The following DGKB variants were observed in gnomAD, a reference collection of about 807,000 sequenced individuals.
DGKB encodes the protein diacylglycerol kinase beta.
DGKB carries 67 observed loss-of-function variants against 114.3 expected under a neutral mutation model. The ratio of observed to expected loss-of-function variants is 0.59; its 90% CI spans 0.48 to 0.72. The LOEUF is 0.72. Ranked by LOEUF, DGKB falls within the 30% of genes least tolerant of loss-of-function variation. The pLI is 0.00. For missense variants in DGKB, 907 were observed against 975.2 expected (o/e 0.93, Z 0.93); for synonymous variants, 398 against 323.1 (o/e 1.23, Z -2.49).
Position 14,577,414 on chromosome 7 carries a change from A to G in DGKB, c.1610-3042T>C, listed in dbSNP as rs79817792. ...GGGTGGATCACGAGGTCAGGAGATC[A>G]AGACCATTCTGGCTAACACGGTGAA... On this transcript the variant is annotated intron_variant, in intron 19 of 25. Transcript: ENST00000402815. Among the ~76,000 whole-genome samples the G allele has an allele frequency of 4.6e-3, 695 of 152,250 alleles. 17 individuals are homozygous for G. The highest frequency in any genetic ancestry group is 0.03 in the Admixed American group (452 of 15,278).
At chr7:14,697,740 G>A (rs1474623877) in intron 8 of DGKB, among the ~76,000 whole-genome samples, 106 of 109,350 alleles carry the variant, frequency 9.7e-4, no homozygotes, top group African/African-American at 3.9e-3. Flanking sequence ...AAAGAAAGAA[G>A]GAGGAAAGAA....
chr7:14,964,514 A>G (rs770673842), intron 1 of DGKB, among the ~76,000 whole-genome samples: 13 of 152,170 alleles, frequency 8.5e-5, no homozygotes, highest in Admixed American at 7.2e-4. Flanking sequence ...ATAAATAAAT[A>G]AGATAAATGG....
chr7:14,931,399 C>T (rs570558917), intron 1 of DGKB, among the ~76,000 whole-genome samples: 2 of 152,142 alleles, frequency 1.3e-5, no homozygotes, highest in Admixed American at 6.5e-5. Flanking sequence ...CGTGAGCCAC[C>T]GTGCCCAGCA....
At chr7:14,160,564 T>C (rs1783730365) in intron 25 of DGKB, among the ~76,000 whole-genome samples, 1 of 152,136 alleles carries the variant, frequency 6.6e-6, no homozygotes, top group Non-Finnish European at 1.5e-5. Context: ...TTACAAGGGA[T>C]GTGAAGGGCC....
chr7:14,704,977 T>C (rs560178542), intron 6 of DGKB, among the ~76,000 whole-genome samples: 31 of 152,072 alleles, frequency 2.0e-4, no homozygotes, highest in East Asian at 1.8e-3. Flanking sequence ...GAGAATGACT[T>C]TGACGAGCTG....
At chr7:14,545,836 T>G (rs80313726) in intron 20 of DGKB, among the ~76,000 whole-genome samples, 1 of 152,204 alleles carries the variant, frequency 6.6e-6, no homozygotes, top group Non-Finnish European at 1.5e-5. Flanking sequence ...AAAGGCCATA[T>G]GAAGAACTAA....
intron 21 of DGKB, among the ~76,000 whole-genome samples, chr7:14,381,338 G>A (rs1157368338): frequency 2.0e-5 from 3 of 152,194 alleles, no homozygotes; most frequent in Admixed American, 1.3e-4. Flanking sequence ...TCATAGGCCT[G>A]AGATAATAAT....
rs73070758 is a variant in DGKB at position 14,809,479 on chromosome 7, A to C, written c.70+31715T>G. On this transcript the variant is annotated intron_variant, in intron 2 of 25. Coordinates refer to ENST00000402815, the MANE Select transcript of DGKB (RefSeq NM_001350709.2). ...TACAGATTATGTAGGAGATGTCACC[A>C]TCCCCAAGAACATGGAGGTCATATT... 1.5e-3 allele frequency among the ~76,000 whole-genome samples: 232 copies of C among 152,280 alleles called. 1 individual carries two copies. The Middle Eastern group carries it at 0.02, about 13-fold the overall frequency.
chr7:14,762,125 G>T (rs1347744761), intron 2 of DGKB, among the ~76,000 whole-genome samples: 1 of 152,118 alleles, frequency 6.6e-6, no homozygotes, highest in African/African-American at 2.4e-5. Context: ...GAGACAATGG[G>T]CTGTCTTTTT....
intron 23 of DGKB, among the ~76,000 whole-genome samples, chr7:14,236,620 G>A (rs1288070844): frequency 6.6e-6 from 1 of 151,816 alleles, no homozygotes; most frequent in Admixed American, 6.6e-5. Flanking sequence ...AGGAAACAAA[G>A]AAAAGTTCAT....
chr7:14,827,240 C>T (rs1845822164), intron 2 of DGKB, among the ~76,000 whole-genome samples: 2 of 152,092 alleles, frequency 1.3e-5, no homozygotes, highest in African/African-American at 4.8e-5. Flanking sequence ...ACCTTTAAAA[C>T]ATTGTGTGAA....
At chr7:14,393,565 G>T (rs2128713403) in intron 21 of DGKB, among the ~76,000 whole-genome samples, 1 of 152,210 alleles carries the variant, frequency 6.6e-6, no homozygotes, top group Non-Finnish European at 1.5e-5. Context: ...TTCATTATCT[G>T]GCCTTTACAG....
At chr7:14,804,459 C>T (rs772377240) in intron 2 of DGKB, among the ~76,000 whole-genome samples, 2 of 151,972 alleles carry the variant, frequency 1.3e-5, no homozygotes, top group African/African-American at 4.8e-5. Context: ...ATTATTATTT[C>T]GACCTATTTC....
intron 20 of DGKB, among the ~76,000 whole-genome samples, chr7:14,494,026 A>C (rs1240237706): frequency 2.0e-5 from 3 of 151,954 alleles, no homozygotes; most frequent in African/African-American, 7.2e-5. Context: ...TATCCAATAT[A>C]AAATCTATAA....
intron 25 of DGKB, among the ~76,000 whole-genome samples, chr7:14,167,645 G>A (rs138227082): frequency 6.6e-6 from 1 of 152,190 alleles, no homozygotes; most frequent in Admixed American, 6.5e-5. Context: ...GCTGCATTTG[G>A]GGGTATATCA....
intron 1 of DGKB, among the ~76,000 whole-genome samples, chr7:14,890,826 G>T (rs1442065586): frequency 6.7e-6 from 1 of 149,120 alleles, no homozygotes; most frequent in African/African-American, 2.5e-5. Context: ...TTATATCCAG[G>T]TTCACAATCT....
chr7:14,848,242 A>G (rs2128153073), intron 1 of DGKB, among the ~76,000 whole-genome samples: 1 of 152,336 alleles, frequency 6.6e-6, no homozygotes, highest in Non-Finnish European at 1.5e-5. Flanking sequence ...ATATTTTTGA[A>G]GTAGGACTTG....
chr7:14,459,854 G>C (rs1318565500), intron 21 of DGKB, among the ~76,000 whole-genome samples: 2 of 152,102 alleles, frequency 1.3e-5, no homozygotes, highest in African/African-American at 4.8e-5. Flanking sequence ...AGAGACAGGT[G>C]AGGTTACCCA....
intron 21 of DGKB, among the ~76,000 whole-genome samples, chr7:14,451,847 A>C (rs1169997684): frequency 6.6e-6 from 1 of 152,098 alleles, no homozygotes; most frequent in African/African-American, 2.4e-5. Context: ...CTTCACCAGT[A>C]AGAGTGGCCA....
Sources: allele counts gnomAD v4.1 joint callset (sites outside exome capture counted in the v4.1 genomes callset), GRCh38; gene constraint gnomAD v4.1.1; transcripts MANE v1.5; gene names NCBI Gene and HGNC (gene_info 2026-07-23, HGNC 2026-07-21).